Variants in WDPCP observed in about 807,000 individuals in gnomAD.
WDPCP encodes the protein WD repeat containing planar cell polarity effector, also known as WD repeat-containing and planar cell polarity effector protein fritz homolog.
In WDPCP, 71 loss-of-function variants were observed where a neutral mutation model predicts 93.1. The observed-to-expected ratio is 0.76, with a 90% CI of 0.63 to 0.93. The LOEUF (loss-of-function observed/expected upper bound fraction) is 0.93. WDPCP is among the 40% of genes least tolerant of loss of function. WDPCP has a pLI of 0.00. For missense variants in WDPCP, 844 were observed against 887.4 expected, an observed-to-expected ratio of 0.95 and a Z score of 0.62; for synonymous variants, 315 against 315.0, an observed-to-expected ratio of 1.00 and a Z score of 0.00.
At chr2:63,481,089 G>C (rs757333520) in intron 6 of WDPCP, among the ~76,000 whole-genome samples, 4 of 151,924 alleles carry the variant, frequency 2.6e-5, no homozygotes, top group Non-Finnish European at 5.9e-5. Context: ...GACATGAATG[G>C]ACAATTTTCA....
At chr2:63,663,410 A>C (rs1470890742) in intron 2 of WDPCP, among the ~76,000 whole-genome samples, 1 of 152,224 alleles carries the variant, frequency 6.6e-6, no homozygotes, top group Non-Finnish European at 1.5e-5. Flanking sequence ...TTAGGACTAG[A>C]TACAGATAAC....
At chr2:63,206,660 G>A (rs1676359182) in intron 14 of WDPCP, among the ~76,000 whole-genome samples, 1 of 151,828 alleles carries the variant, frequency 6.6e-6, no homozygotes, top group South Asian at 2.1e-4. Context: ...GCCATGTTGC[G>A]CAGGCTGGGC....
chr2:63,445,315 C>G (rs1697779153), intron 6 of WDPCP, among the ~76,000 whole-genome samples: 1 of 152,054 alleles, frequency 6.6e-6, no homozygotes, highest in Non-Finnish European at 1.5e-5. Flanking sequence ...AGTGAGGTTC[C>G]TCACTGGGGT....
rs1696964395 is a variant in WDPCP at position 63,434,060 on chromosome 2, G to A, written c.634-124C>T. 3 of 971,140 alleles carry A rather than the reference G, an allele frequency of 3.1e-6. No individual in the cohort carries two copies. In the African/African-American group the frequency reaches 4.9e-5, roughly 16 times the overall value. 60.2% of individuals were successfully genotyped at this position (971,140 alleles called of 1,614,324 possible). A position where few individuals can be genotyped will look rare whatever the true frequency, so the allele number is the denominator to read the frequency against. ...GCAAGTAAATATGCATGTTAAACAT[G>A]TGCGTAAGAAGGTGTCAGAATTTAC... On this transcript the variant is annotated intron_variant, in intron 8 of 17. Coordinates refer to ENST00000272321, the MANE Select transcript of WDPCP (RefSeq NM_015910.7).
intron 1 of WDPCP, among the ~76,000 whole-genome samples, chr2:63,508,192 C>T (rs1326329744): frequency 2.0e-5 from 3 of 152,124 alleles, no homozygotes; most frequent in African/African-American, 7.2e-5. Context: ...ACAGAAAGGT[C>T]GGGTTACCCA....
At chr2:63,811,547 G>C (rs1182660446) in intron 2 of WDPCP, among the ~76,000 whole-genome samples, 1 of 150,856 alleles carries the variant, frequency 6.6e-6, no homozygotes, top group Non-Finnish European at 1.5e-5. Flanking sequence ...CTTGGAAGCA[G>C]ATTATTTCCC....
intron 13 of WDPCP, among the ~76,000 whole-genome samples, chr2:63,311,081 T>C (rs1686149920): frequency 6.6e-6 from 1 of 152,216 alleles, no homozygotes; most frequent in South Asian, 2.1e-4. Context: ...AACTTTCTTA[T>C]CATGTTGTAT....
intron 6 of WDPCP, among the ~76,000 whole-genome samples, chr2:63,446,104 GCA>G (rs1697844173): frequency 6.6e-6 from 1 of 152,096 alleles, no homozygotes; most frequent in Admixed American, 6.5e-5. Context: ...TGACTTCCAT[GCA>G]ATATCCCATC....
Position 63,360,999 on chromosome 2 carries a change from T to C in WDPCP, c.1748+17387A>G, listed in dbSNP as rs577037628. Among the ~76,000 whole-genome samples, 144 of 152,326 alleles carry C rather than the reference T, an allele frequency of 9.5e-4. 2 individuals are homozygous for C. The highest frequency in any genetic ancestry group is 3.2e-3 in the African/African-American group (131 of 41,572). ...GATGCAGTGTCTGAATAATTTTAAC[T>C]ATAAGAACAGGAACTTGGGAAATTA... On this transcript the variant is annotated intron_variant, in intron 12 of 17. Coordinates refer to ENST00000272321, the MANE Select transcript of WDPCP (RefSeq NM_015910.7).
At chr2:63,132,154 A>G (rs1670334658) in intron 17 of WDPCP, among the ~76,000 whole-genome samples, 1 of 151,986 alleles carries the variant, frequency 6.6e-6, no homozygotes, top group Non-Finnish European at 1.5e-5. Flanking sequence ...GTTTTTGAAT[A>G]TACTTTCCCA....
intron 1 of WDPCP, among the ~76,000 whole-genome samples, chr2:63,510,515 C>G (rs1229682375): frequency 6.6e-6 from 1 of 152,160 alleles, no homozygotes; most frequent in Non-Finnish European, 1.5e-5. Flanking sequence ...CCTTTGAAAA[C>G]CGGCACAAGA....
intron 5 of WDPCP, 82 bp downstream of exon 5, chr2:63,484,835 C>G: frequency 6.5e-7 from 1 of 1,530,224 alleles, no homozygotes; most frequent in Non-Finnish European, 9.0e-7. Context: ...GAGAGTTGAT[C>G]CTTTATGAAA....
chr2:63,184,042 T>G (rs535854127), intron 14 of WDPCP, among the ~76,000 whole-genome samples: 2 of 152,240 alleles, frequency 1.3e-5, no homozygotes, highest in East Asian at 3.9e-4. Context: ...TTCTTATAGT[T>G]CTTATGAAAA....
intron 6 of WDPCP, among the ~76,000 whole-genome samples, chr2:63,466,994 G>A (rs190633631): frequency 3.9e-5 from 6 of 152,262 alleles, no homozygotes; most frequent in African/African-American, 1.4e-4. Context: ...GTTGATTGAT[G>A]ATACAAAGAT....
At chr2:63,540,147 G>T (rs1332856136) in intron 1 of WDPCP, among the ~76,000 whole-genome samples, 6 of 152,080 alleles carry the variant, frequency 3.9e-5, no homozygotes, top group Admixed American at 2.6e-4. Context: ...TTCTACATTA[G>T]AAATAGTATT....
chr2:63,478,950 T>C (rs1317003827), intron 6 of WDPCP, among the ~76,000 whole-genome samples: 4 of 151,830 alleles, frequency 2.6e-5, no homozygotes. Context: ...ATTAGCAAGA[T>C]TAACCAAGAA....
intron 14 of WDPCP, among the ~76,000 whole-genome samples, chr2:63,210,711 G>C (rs991162707): frequency 1.3e-5 from 2 of 152,188 alleles, no homozygotes; most frequent in African/African-American, 4.8e-5. Flanking sequence ...CCCAGCCAAG[G>C]GAAGCCATGA....
chr2:63,572,859 T>G (rs936406169), intron 1 of WDPCP, among the ~76,000 whole-genome samples: 25 of 152,014 alleles, frequency 1.6e-4, no homozygotes, highest in Non-Finnish European at 4.4e-5. Context: ...AGTGAAAAGT[T>G]ATGCCCAACT....
chr2:63,506,747 A>T (rs1451885989), intron 1 of WDPCP, among the ~76,000 whole-genome samples: 1 of 152,104 alleles, frequency 6.6e-6, no homozygotes, highest in Admixed American at 6.6e-5. Flanking sequence ...CTGCCAACAC[A>T]GTTGGCCAAT....
Sources: gnomAD v4.1 joint callset for allele counts (sites outside exome capture counted in the v4.1 genomes callset) on GRCh38, gnomAD v4.1.1 for gene constraint, MANE v1.5 for transcripts, NCBI Gene and HGNC (gene_info 2026-07-23, HGNC 2026-07-21) for gene names.